Variants in CACHD1 observed in about 807,000 individuals in gnomAD.
CACHD1 encodes the protein cache domain containing 1.
A neutral mutation model predicts 138.7 loss-of-function variants in CACHD1; 71 were observed. The observed-to-expected ratio is 0.51, with a 90% CI of 0.42 to 0.62. The LOEUF is 0.62. Among genes scored for constraint, CACHD1 ranks in the 20% least tolerant of loss-of-function variants. The pLI is 0.00. For synonymous variants in CACHD1, 578 were observed against 591.5 expected, an observed-to-expected ratio of 0.98 and a Z score of 0.33; for missense variants, 1,389 against 1,625.3, an observed-to-expected ratio of 0.85 and a Z score of 2.50.
chr1:64,625,628 G>GAAA (rs918198853), intron 4 of CACHD1, among the ~76,000 whole-genome samples: 1 of 118,122 alleles, frequency 8.5e-6, no homozygotes, highest in Non-Finnish European at 1.7e-5. Context: ...CTCAGTCTCA[G>GAAA]AAAAAAAAAA....
intron 2 of CACHD1, among the ~76,000 whole-genome samples, chr1:64,579,229 C>T (rs1646992747): frequency 6.6e-6 from 1 of 152,094 alleles, no homozygotes; most frequent in South Asian, 2.1e-4. Flanking sequence ...CTTTAAAAAA[C>T]ATTTAAAAGT....
intron 1 of CACHD1, among the ~76,000 whole-genome samples, chr1:64,498,230 G>A (rs150881569): frequency 1.8e-3 from 267 of 152,174 alleles, no homozygotes; most frequent in African/African-American, 6.2e-3. Flanking sequence ...AAGGCATAGG[G>A]GACTCACAAC....
intron 3 of CACHD1, among the ~76,000 whole-genome samples, chr1:64,596,016 G>T (rs1647148153): frequency 6.6e-6 from 1 of 152,208 alleles, no homozygotes; most frequent in Non-Finnish European, 1.5e-5. Context: ...AGAGATGGAA[G>T]GAAAAACTAT....
chr1:64,555,918 G>A (rs1235718135), intron 2 of CACHD1, among the ~76,000 whole-genome samples: 2 of 152,148 alleles, frequency 1.3e-5, no homozygotes, highest in Admixed American at 6.5e-5. Flanking sequence ...GAGTTTTTGT[G>A]TATGTATGAA....
intron 2 of CACHD1, among the ~76,000 whole-genome samples, chr1:64,559,565 G>T (rs1365915317): frequency 3.3e-5 from 5 of 152,040 alleles, no homozygotes; most frequent in Non-Finnish European, 5.9e-5. Context: ...TAATACCTGG[G>T]TGATAAAATA....
At chr1:64,496,643 A>G (rs1401246118) in intron 1 of CACHD1, among the ~76,000 whole-genome samples, 1 of 152,150 alleles carries the variant, frequency 6.6e-6, no homozygotes, top group African/African-American at 2.4e-5. Flanking sequence ...CTAACATGAA[A>G]CTTAATAGTG....
At position 64,673,152 on chromosome 1, in the gene CACHD1, G is replaced by T. The variant is rs759666637; in HGVS notation, c.2511-6G>T. 2 of 1,611,280 alleles carry T rather than the reference G, an allele frequency of 1.2e-6. No individual in the cohort carries two copies. The highest frequency in any genetic ancestry group is 4.5e-5 in the East Asian group (2 of 44,848). ...TGAATGAGGGGCATAACTTGTTTTG[G>T]TACAGGTGCTTCATAATGGAGGACA... On this transcript the variant is annotated splice_region_variant and splice_polypyrimidine_tract_variant and intron_variant, in intron 17 of 26. Coordinates refer to ENST00000651257, the MANE Select transcript of CACHD1 (RefSeq NM_020925.4).
At chr1:64,595,570 C>T (rs944749079) in intron 3 of CACHD1, among the ~76,000 whole-genome samples, 1 of 152,126 alleles carries the variant, frequency 6.6e-6, no homozygotes, top group African/African-American at 2.4e-5. Flanking sequence ...TTTGATTTTT[C>T]CAGATACCCG....
At chr1:64,687,930 A>T (rs1459244196) in intron 26 of CACHD1, among the ~76,000 whole-genome samples, 1 of 152,242 alleles carries the variant, frequency 6.6e-6, no homozygotes, top group Middle Eastern at 3.4e-3. Context: ...TTTTTATTAT[A>T]ATATGGCAAA....
intron 1 of CACHD1, among the ~76,000 whole-genome samples, chr1:64,476,467 T>A (rs113686079): frequency 8.5e-5 from 13 of 152,348 alleles, no homozygotes; most frequent in African/African-American, 2.9e-4. Flanking sequence ...TATAGAATAT[T>A]TTCGAAGGAA....
chr1:64,654,880 G>T (rs1480248723), intron 12 of CACHD1, 77 bp downstream of exon 12: 5 of 1,071,420 alleles, frequency 4.7e-6, no homozygotes, highest in Non-Finnish European at 7.1e-6. Context: ...TTCTCAGCCA[G>T]GGGGTGGCAC....
chr1:64,550,801 C>T, intron 2 of CACHD1, 145 bp downstream of exon 2: 1 of 563,304 alleles, frequency 1.8e-6, no homozygotes, highest in South Asian at 2.7e-5. Context: ...ATAATGGTGA[C>T]AACCTTACAC....
chr1:64,663,709 A>T lies in CACHD1; in HGVS notation c.1966A>T (p.Met656Leu). The change falls in exon 14 of 27, where the codon ATG (methionine) becomes TTG (leucine). Residue 656 changes from methionine (M) to leucine (L), a missense_variant. Met to Leu is a conservative substitution (Grantham distance 15, BLOSUM62 2). This residue lies in a region of CACHD1 where 1,000 missense variants were observed against 1,114.7 expected (regional missense o/e 0.90). Transcript: ENST00000651257. ...TTCTCTTTCAGAAAGTCCCACCATC[A>T]TGCTGTCTGCTGGCAGCTTTTCCTC... ...QLATLESPTIMLSAGSFSSPY... is the reference protein window; with the variant it reads ...QLATLESPTILLSAGSFSSPY... 6.2e-7 allele frequency: 1 copy of T among 1,614,092 alleles called. No individual in the cohort carries two copies. Among genetic ancestry groups the T allele is most frequent in the South Asian group, 1.1e-5 (1 of 91,084 alleles).
intron 26 of CACHD1, among the ~76,000 whole-genome samples, chr1:64,683,933 G>C (rs1650271138): frequency 6.6e-6 from 1 of 152,170 alleles, no homozygotes; most frequent in Non-Finnish European, 1.5e-5. Flanking sequence ...TTGTTTTGTT[G>C]GCACACTTCT....
intron 9 of CACHD1, 44 bp downstream of exon 9, chr1:64,648,078 T>G (rs1648972450): frequency 1.4e-6 from 2 of 1,459,970 alleles, no homozygotes; most frequent in Admixed American, 1.9e-5. Flanking sequence ...GGAAAAGAAC[T>G]GGGCAGATAG....
At chr1:64,634,312 T>C in intron 7 of CACHD1, 52 bp downstream of exon 7, 2 of 1,250,498 alleles carry the variant, frequency 1.6e-6, no homozygotes, top group Non-Finnish European at 2.3e-6. Context: ...AAGATGGCAA[T>C]AGGAATATAT....
chr1:64,470,928 G>C lies in CACHD1; in HGVS notation c.184G>C (p.Val62Leu). 6.2e-7 allele frequency: 1 copy of C among 1,604,844 alleles called. No homozygotes were observed. Among genetic ancestry groups the C allele is most frequent in the South Asian group, 1.1e-5 (1 of 89,390 alleles). ...MRRLAAEELGVVTMQRIFNSF... is the reference protein window; with the variant it reads ...MRRLAAEELGLVTMQRIFNSF... ...GAGGCTGGCGGCCGAGGAGCTGGGG[G>C]TCGTCACCATGCAGGTAAGTGGCCC... The change falls in exon 1 of 27, where the codon GTC (valine) becomes CTC (leucine). Residue 62 changes from valine (V) to leucine (L), a missense_variant. Physicochemically the swap from Val to Leu is conservative, Grantham distance 32. Coordinates refer to ENST00000651257, the MANE Select transcript of CACHD1 (RefSeq NM_020925.4). This position sits in a 1 kb window ranked among gnomAD's most constrained non-coding sequence, Gnocchi z 5.2.
intron 2 of CACHD1, among the ~76,000 whole-genome samples, chr1:64,561,999 A>G (rs527283380): frequency 2.0e-5 from 3 of 152,104 alleles, no homozygotes; most frequent in Admixed American, 2.0e-4. Flanking sequence ...GTTTCTGATG[A>G]TAAATCAGTG....
At chr1:64,503,285 C>G (rs1646350155) in intron 1 of CACHD1, among the ~76,000 whole-genome samples, 1 of 152,032 alleles carries the variant, frequency 6.6e-6, no homozygotes. Context: ...ATAAAACACT[C>G]CAAGGACATT....
Sources: gnomAD v4.1 joint callset for allele counts (sites outside exome capture counted in the v4.1 genomes callset) on GRCh38, gnomAD v4.1.1 for gene constraint, gnomAD v4.1.1 regional missense constraint, Gnocchi (gnomAD v3.1) non-coding constraint, MANE v1.5 for transcripts, NCBI Gene and HGNC (gene_info 2026-07-23, HGNC 2026-07-21) for gene names.